HOXC11: variants seen among roughly 807,000 people sequenced by gnomAD.
HOXC11 encodes the protein homeobox protein Hox-C11.
HOXC11 carries 17 observed loss-of-function variants against 23.6 expected under a neutral mutation model. The ratio of observed to expected loss-of-function variants is 0.72; its 90% CI spans 0.49 to 1.08. HOXC11 has a LOEUF of 1.08. HOXC11 is among the 50% of genes least tolerant of loss of function. HOXC11 has a pLI of 0.00. For missense variants in HOXC11, 413 were observed against 412.1 expected (o/e 1.00, Z -0.02); for synonymous variants, 196 against 183.8 (o/e 1.07, Z -0.54).
intron 1 of HOXC11, among the ~76,000 whole-genome samples, chr12:53,974,443 T>A (rs74089843): frequency 0.027 from 4,102 of 152,128 alleles, 180 homozygotes; most frequent in African/African-American, 0.094. Context: ...AGGACCGCTA[T>A]GATCCTTCTT....
Position 53,973,738 on chromosome 12 carries a change from C to T in HOXC11, c.497C>T (p.Pro166Leu), listed in dbSNP as rs1455691604. Residue 166 changes from proline to leucine, a missense_variant, in exon 1 of 2, where the codon CCC (proline) becomes CTC (leucine). Pro to Leu is a moderately conservative substitution (Grantham distance 98). Coordinates refer to ENST00000546378, the MANE Select transcript of HOXC11 (RefSeq NM_014212.4). The surrounding 1 kb of genome is among the most constrained non-coding windows in gnomAD (Gnocchi z 4.3). ...GCCTACTGCGGTGGCGGCGACCCGC[C>T]CGCCGAGCCCCCCTGCTCCGGCAAG... ...DNAYCGGGDP[P>L]AEPPCSGKGE... 6.2e-7 allele frequency: 1 copy of T among 1,612,884 alleles called. No homozygotes were observed. Among genetic ancestry groups the T allele is most frequent in the East Asian group, 2.2e-5 (1 of 44,844 alleles).
Position 53,976,726 on chromosome 12 carries a change from C to T in HOXC11, c.*1313C>T, listed in dbSNP as rs548561973. 2.6e-5 allele frequency: 4 copies of T among 152,594 alleles called. No homozygotes were observed. The highest frequency in any genetic ancestry group is 9.6e-5 in the African/African-American group (4 of 41,476). 9.5% of individuals were successfully genotyped at this position (152,594 alleles called of 1,614,324 possible). ...CCAGCAACGGCTTTCTGTTTAAGTA[C>T]ACGTTTGTTGTGGAGTTAATTGTAA... On this transcript the variant is annotated 3_prime_UTR_variant, in exon 2 of 2. Transcript: ENST00000546378.
chr12:53,975,092 C>A, intron 1 of HOXC11, 89 bp from the exon 2 acceptor site: 1 of 645,590 alleles, frequency 1.5e-6, no homozygotes, highest in Non-Finnish European at 2.7e-6. Flanking sequence ...AGGAGAAGGG[C>A]CGCTGAGCGC....
chr12:53,974,635 G>C (rs1304493143), intron 1 of HOXC11, among the ~76,000 whole-genome samples: 1 of 151,750 alleles, frequency 6.6e-6, no homozygotes, highest in Non-Finnish European at 1.5e-5. Flanking sequence ...CTAGAACTGC[G>C]GTGTGGAAGG....
Position 53,973,645 on chromosome 12 carries a change from C to A in HOXC11, c.404C>A (p.Ala135Asp). The A allele has an allele frequency of 6.2e-7, 1 of 1,613,790 alleles. No homozygotes were observed. The highest frequency in any genetic ancestry group is 8.5e-7 in the Non-Finnish European group (1 of 1,180,032). ...CCCAGCGCCCCGCACGCAACCCCCG[C>A]CGGCTTCTACTCCTCAGTCAACAAG... is the stretch of plus-strand genomic sequence containing the variant. ...HHPSAPHATP[A>D]GFYSSVNKNS... is the part of the protein sequence containing the mutation. The change falls in exon 1 of 2, where the codon GCC becomes GAC. Residue 135 changes from alanine to aspartate, a missense_variant. Coordinates refer to ENST00000546378, the MANE Select transcript of HOXC11 (RefSeq NM_014212.4). The surrounding 1 kb of genome is among the most constrained non-coding windows in gnomAD (Gnocchi z 4.3).
chr12:53,976,441 T>C lies in HOXC11; in HGVS notation c.*1028T>C, dbSNP rs866439430. ...TCAATATTATGATTTTATTTGACCC[T>C]TTTATTAACCCCTCTCCTCTTAAAA... On this transcript the variant is annotated 3_prime_UTR_variant, in exon 2 of 2. Coordinates refer to ENST00000546378, the MANE Select transcript of HOXC11 (RefSeq NM_014212.4). The C allele has an allele frequency of 1.4e-4, 25 of 184,812 alleles. No homozygotes were observed. The highest frequency in any genetic ancestry group is 5.2e-4 in the African/African-American group (22 of 42,558). The allele number at this position is 184,812 out of a possible 1,614,324, so 11.4% of individuals were successfully genotyped here. A position where few individuals can be genotyped will look rare whatever the true frequency, so the allele number is the denominator to read the frequency against.
At position 53,975,706 on chromosome 12, in the gene HOXC11, C is replaced by T. The variant is rs1260297501; in HGVS notation, c.*293C>T. On this transcript the variant is annotated 3_prime_UTR_variant, in exon 2 of 2. Transcript: ENST00000546378. Reference sequence around the variant, plus strand: ...AGACTTTGATTTAAAAGAAAACACACCTCGGCGACAATGTCTTGCTGCTCG... The same window carrying T: ...AGACTTTGATTTAAAAGAAAACACATCTCGGCGACAATGTCTTGCTGCTCG... The T allele has an allele frequency of 7.2e-6, 4 of 554,138 alleles. No individual in the cohort carries two copies. The highest frequency in any genetic ancestry group is 3.8e-5 in the African/African-American group (2 of 52,212). 34.3% of individuals were successfully genotyped at this position (554,138 alleles called of 1,614,324 possible). A position where few individuals can be genotyped will look rare whatever the true frequency, so the allele number is the denominator to read the frequency against.
In HOXC11 at chr12:53,977,313, C is replaced by T. The variant is rs1348275259; in HGVS notation, c.*1900C>T. ...CTCATCTCATCTTTCCCTCCTCTTTCTGTCTTTGTATAATTCAAAGAAAAT... is the reference window on the plus strand; with the variant it reads ...CTCATCTCATCTTTCCCTCCTCTTTTTGTCTTTGTATAATTCAAAGAAAAT... On this transcript the variant is annotated 3_prime_UTR_variant, in exon 2 of 2. Coordinates refer to ENST00000546378, the MANE Select transcript of HOXC11 (RefSeq NM_014212.4). The T allele has an allele frequency of 6.6e-6, 1 of 152,214 alleles. No individual in the cohort carries two copies. The highest frequency in any genetic ancestry group is 1.5e-5 in the Non-Finnish European group (1 of 68,040). 9.4% of individuals were successfully genotyped at this position (152,214 alleles called of 1,614,324 possible). A position where few individuals can be genotyped will look rare whatever the true frequency, so the allele number is the denominator to read the frequency against.
chr12:53,975,486 T>G lies in HOXC11; in HGVS notation c.*73T>G. 4.1e-4 allele frequency: 373 copies of G among 917,444 alleles called. No homozygotes were observed. Among genetic ancestry groups the G allele is most frequent in the Non-Finnish European group, 6.1e-4 (349 of 575,520 alleles). 56.8% of individuals were successfully genotyped at this position (917,444 alleles called of 1,614,324 possible). A position where few individuals can be genotyped will look rare whatever the true frequency, so the allele number is the denominator to read the frequency against. On this transcript the variant is annotated 3_prime_UTR_variant, in exon 2 of 2. Coordinates refer to ENST00000546378, the MANE Select transcript of HOXC11 (RefSeq NM_014212.4). ...TATTTTATTTTTATTTTTTATTTTC[T>G]AACTCGTCTTCTTTCCGCCGGTGGA... is the stretch of plus-strand genomic sequence containing the variant.
chr12:53,973,509 T>G lies in HOXC11; in HGVS notation c.268T>G (p.Ser90Ala), dbSNP rs759883766. The G allele has an allele frequency of 6.2e-7, 1 of 1,613,798 alleles. No homozygotes were observed. Among genetic ancestry groups the G allele is most frequent in the Non-Finnish European group, 8.5e-7 (1 of 1,179,968 alleles). The change falls in exon 1 of 2, where the codon TCC becomes GCC. Residue 90 changes from serine (S) to alanine (A), a missense_variant. Physicochemically the swap from Ser to Ala is moderately conservative, Grantham distance 99. Coordinates refer to ENST00000546378, the MANE Select transcript of HOXC11 (RefSeq NM_014212.4). This position sits in a 1 kb window ranked among gnomAD's most constrained non-coding sequence, Gnocchi z 4.3. ...CAAGTGGCACCATCGGAACAGCTAC[T>G]CCTCCTGCTATGCGGCGGCCGACGA... ...SGKWHHRNSY[S>A]SCYAAADELM...
In HOXC11 at chr12:53,973,625, C is replaced by A. The variant is rs143575026; in HGVS notation, c.384C>A (p.Ser128Arg). Residue 128 changes from serine to arginine, a missense_variant, in exon 1 of 2, where the codon AGC (serine) becomes AGA (arginine). Ser to Arg is a moderately radical substitution (Grantham distance 110). Transcript: ENST00000546378. The surrounding 1 kb of genome is among the most constrained non-coding windows in gnomAD (Gnocchi z 4.3). ...EGSYGGHHHP[S>R]APHATPAGFY... ...CCTACGGCGGCCACCACCACCCCAG[C>A]GCCCCGCACGCAACCCCCGCCGGCT... is the stretch of plus-strand genomic sequence containing the variant. 3 of 1,613,756 alleles carry A rather than the reference C, an allele frequency of 1.9e-6. No homozygotes were observed. Among genetic ancestry groups the A allele is most frequent in the Non-Finnish European group, 8.5e-7 (1 of 1,180,034 alleles).
In HOXC11 at chr12:53,975,268, T is replaced by C. The variant is rs1436040709; in HGVS notation, c.770T>C (p.Ile257Thr). 4 of 1,612,790 alleles carry C rather than the reference T, an allele frequency of 2.5e-6. No individual in the cohort carries two copies. The highest frequency in any genetic ancestry group is 3.4e-6 in the Non-Finnish European group (4 of 1,179,566). ...CGAGAGTTTTTCTTCAACGTGTATA[T>C]CAACAAAGAGAAGCGGCTGCAGCTG... ...LEREFFFNVY[I>T]NKEKRLQLSR... The change falls in exon 2 of 2, where the codon ATC (isoleucine) becomes ACC (threonine). Residue 257 changes from isoleucine (I) to threonine (T), a missense_variant. Transcript: ENST00000546378.
In HOXC11 at chr12:53,975,843, C is replaced by T. The variant is rs1939248348; in HGVS notation, c.*430C>T. On this transcript the variant is annotated 3_prime_UTR_variant, in exon 2 of 2. Transcript: ENST00000546378. ...TCCGCTAAGACAGCATGTCTGCCAG[C>T]GGAAACTTCTCGAGCTCCCCCCTCT... 5 of 406,834 alleles carry T rather than the reference C, an allele frequency of 1.2e-5. No homozygotes were observed. The highest frequency in any genetic ancestry group is 1.7e-5 in the Non-Finnish European group (4 of 231,432). The allele number at this position is 406,834 out of a possible 1,614,324, so 25.2% of individuals were successfully genotyped here.
chr12:53,973,354 C>T lies in HOXC11; in HGVS notation c.113C>T (p.Thr38Ile). Reference sequence around the variant, plus strand: ...TCCAACCTCTATCTGCCCAGTTGCACTTACTACATGCCCGAGTTCTCCACG... The same window carrying T: ...TCCAACCTCTATCTGCCCAGTTGCATTTACTACATGCCCGAGTTCTCCACG... ...CASNLYLPSCTYYMPEFSTVS... is the reference protein window; with the variant it reads ...CASNLYLPSCIYYMPEFSTVS... The change falls in exon 1 of 2, where the codon ACT (threonine) becomes ATT (isoleucine). Residue 38 changes from threonine (T) to isoleucine (I), a missense_variant. Coordinates refer to ENST00000546378, the MANE Select transcript of HOXC11 (RefSeq NM_014212.4). The surrounding 1 kb of genome is among the most constrained non-coding windows in gnomAD (Gnocchi z 4.3). 2 of 1,613,192 alleles carry T rather than the reference C, an allele frequency of 1.2e-6. No individual in the cohort carries two copies.
Position 53,973,814 on chromosome 12 carries a change from C to G in HOXC11, c.573C>G (p.Ser191=), listed in dbSNP as rs779319270. 4 of 1,555,896 alleles carry G rather than the reference C, an allele frequency of 2.6e-6. No homozygotes were observed. In the South Asian group the frequency reaches 3.6e-5, roughly 14 times the overall value. ...PEAPPASGLA[S]RAEAGAEAEA... is the part of the protein sequence containing the mutation. ...CACCCCCGGCCTCGGGACTGGCGTC[C>G]CGGGCTGAGGCGGGTGCCGAGGCGG... is the stretch of plus-strand genomic sequence containing the variant. The change falls in exon 1 of 2, where the codon TCC becomes TCG. Residue 191 remains serine, a synonymous_variant. Coordinates refer to ENST00000546378, the MANE Select transcript of HOXC11 (RefSeq NM_014212.4). This position sits in a 1 kb window ranked among gnomAD's most constrained non-coding sequence, Gnocchi z 4.3.
In HOXC11 at chr12:53,975,418, C is replaced by G. The variant is rs375083855; in HGVS notation, c.*5C>G. The G allele has an allele frequency of 2.5e-6, 4 of 1,570,864 alleles. No individual in the cohort carries two copies. The highest frequency in any genetic ancestry group is 3.5e-6 in the Non-Finnish European group (4 of 1,143,838). ...TCGGGAAATCCTCTGCTGTAACCTG[C>G]AGACCGGGCCCTTTTGGGGGCGGGG... On this transcript the variant is annotated 3_prime_UTR_variant, in exon 2 of 2. Transcript: ENST00000546378.
intron 1 of HOXC11, among the ~76,000 whole-genome samples, chr12:53,974,666 G>A (rs1032697991): frequency 6.6e-6 from 1 of 151,460 alleles, no homozygotes; most frequent in Admixed American, 6.6e-5. Context: ...CGGGCTTCCC[G>A]GGGCGCCAGG....
chr12:53,973,745 GC>G lies in HOXC11; in HGVS notation c.510del (p.Cys171AlafsTer99), dbSNP rs1445303827. ...GCGGTGGCGGCGACCCGCCCGCCGAGCCCCCCTGCTCCGGCAAGGGCGAGGC... is the reference window on the plus strand; with the variant it reads ...GCGGTGGCGGCGACCCGCCCGCCGAGCCCCCTGCTCCGGCAAGGGCGAGGC... ...YCGGGDPPAEPPCSGKGEAKG... is the reference protein window; with the variant it reads ...YCGGGDPPAEXPCSGKGEAKG... On this transcript the variant is annotated frameshift_variant, in exon 1 of 2. Coordinates refer to ENST00000546378, the MANE Select transcript of HOXC11 (RefSeq NM_014212.4). LOFTEE classifies it high-confidence loss of function. The surrounding 1 kb of genome is among the most constrained non-coding windows in gnomAD (Gnocchi z 4.3). 1 of 1,612,646 alleles carries G rather than the reference GC, an allele frequency of 6.2e-7. No homozygotes were observed. The highest frequency in any genetic ancestry group is 2.2e-5 in the East Asian group (1 of 44,852).
chr12:53,973,403 C>T lies in HOXC11; in HGVS notation c.162C>T (p.Ala54=). The T allele has an allele frequency of 1.2e-6, 2 of 1,614,234 alleles. No individual in the cohort carries two copies. Among genetic ancestry groups the T allele is most frequent in the Non-Finnish European group, 1.7e-6 (2 of 1,180,048 alleles). Residue 54 remains alanine, a synonymous_variant, in exon 1 of 2, where the codon GCC becomes GCT. Transcript: ENST00000546378. This position sits in a 1 kb window ranked among gnomAD's most constrained non-coding sequence, Gnocchi z 4.3. ...CGGTCTCCTCCTTCCTGCCCCAGGC[C>T]CCCTCTCGTCAGATCTCCTATCCCT... The part of the protein sequence containing the change: ...FSTVSSFLPQ[A]PSRQISYPYS...
Sources: gnomAD v4.1 joint callset for allele counts (sites outside exome capture counted in the v4.1 genomes callset) on GRCh38, gnomAD v4.1.1 for gene constraint, Gnocchi (gnomAD v3.1) non-coding constraint, MANE v1.5 for transcripts, NCBI Gene and HGNC (gene_info 2026-07-23, HGNC 2026-07-21) for gene names.